The following PTPRG variants were observed in gnomAD, a reference collection of about 807,000 sequenced individuals.
PTPRG encodes receptor-type tyrosine-protein phosphatase gamma.
A neutral mutation model predicts 165.3 loss-of-function variants in PTPRG; 102 were observed. The ratio of observed to expected loss-of-function variants is 0.62; its 90% confidence interval spans 0.53 to 0.73. PTPRG has a LOEUF of 0.73. PTPRG is among the 30% of genes least tolerant of loss of function. PTPRG has a pLI of 0.00. For missense variants in PTPRG, 1,866 were observed against 1,861.4 expected, an observed-to-expected ratio of 1.00 and a Z score of -0.05; for synonymous variants, 675 against 669.5, an observed-to-expected ratio of 1.01 and a Z score of -0.13.
chr3:61,637,322 C>A (rs1403025668), intron 1 of PTPRG, among the ~76,000 whole-genome samples: 1 of 152,120 alleles, frequency 6.6e-6, no homozygotes, highest in Non-Finnish European at 1.5e-5. Context: ...TGACCTTTGG[C>A]AAATGACTTG....
chr3:62,206,894 CAG>C (rs902521683), intron 12 of PTPRG, among the ~76,000 whole-genome samples: 5 of 109,630 alleles, frequency 4.6e-5, no homozygotes, highest in African/African-American at 1.8e-4. Flanking sequence ...ACACCACTGA[CAG>C]AGCAAGACTC....
chr3:61,989,559 AAG>A, intron 2 of PTPRG, 64 bp from the exon 3 acceptor site: 1 of 1,487,700 alleles, frequency 6.7e-7, no homozygotes, highest in Non-Finnish European at 9.1e-7. Flanking sequence ...TCAGCTTCCT[AAG>A]ATTTATTCAT....
intron 5 of PTPRG, among the ~76,000 whole-genome samples, chr3:62,092,445 AAAAAAAAAAAAAAAG>A (rs915431657): frequency 1.4e-5 from 2 of 148,066 alleles, no homozygotes; most frequent in African/African-American, 5.3e-5. Context: ...ATCTGAAAAA[AAAAAAAAAAAAAAAG>A]AAAAAGACAA....
chr3:61,643,774 A>C (rs954522939), intron 1 of PTPRG, among the ~76,000 whole-genome samples: 4 of 151,150 alleles, frequency 2.6e-5, no homozygotes, highest in Non-Finnish European at 2.9e-5. Context: ...AAAAAAAAAA[A>C]CAAAAAAGCA....
In PTPRG at chr3:62,282,839, C is replaced by T. The variant is rs1320195327; in HGVS notation, c.4025C>T (p.Thr1342Ile). The change falls in exon 28 of 30, where the codon ACA (threonine) becomes ATA (isoleucine). Residue 1342 changes from threonine to isoleucine, a missense_variant. Coordinates refer to ENST00000474889, the MANE Select transcript of PTPRG (RefSeq NM_002841.4). ...AACGTCATCAAGGAAGAGGCCTTAA[C>T]AAGGGATGGTCCCACCATTGTTCAT... is the stretch of plus-strand genomic sequence containing the variant. ...LINVIKEEAL[T>I]RDGPTIVHDE... The T allele has an allele frequency of 1.2e-6, 2 of 1,611,090 alleles. No homozygotes were observed. Among genetic ancestry groups the T allele is most frequent in the South Asian group, 2.2e-5 (2 of 90,692 alleles).
At chr3:61,679,420 T>A (rs575347740) in intron 1 of PTPRG, among the ~76,000 whole-genome samples, 2 of 152,146 alleles carry the variant, frequency 1.3e-5, no homozygotes, top group African/African-American at 2.4e-5. Flanking sequence ...GCCAGGCTTA[T>A]AAGTCACGGA....
chr3:61,847,156 T>C (rs2107351584), intron 2 of PTPRG, among the ~76,000 whole-genome samples: 1 of 152,268 alleles, frequency 6.6e-6, no homozygotes, highest in African/African-American at 2.4e-5. Context: ...TGAGTTAAGA[T>C]GATGCCATAC....
chr3:61,892,272 G>T (rs2038236092), intron 2 of PTPRG, among the ~76,000 whole-genome samples: 1 of 152,160 alleles, frequency 6.6e-6, no homozygotes, highest in Non-Finnish European at 1.5e-5. Flanking sequence ...TGTTGCCCAG[G>T]CTGGAGTGCA....
At chr3:61,840,444 C>G (rs902075259) in intron 2 of PTPRG, among the ~76,000 whole-genome samples, 1 of 151,976 alleles carries the variant, frequency 6.6e-6, no homozygotes, top group Non-Finnish European at 1.5e-5. Flanking sequence ...TGTTTTAGGG[C>G]AAAAAACTTA....
chr3:61,967,241 T>A (rs895780874), intron 2 of PTPRG, among the ~76,000 whole-genome samples: 8 of 152,332 alleles, frequency 5.3e-5, no homozygotes, highest in Middle Eastern at 6.8e-3. Context: ...GCACATCTGG[T>A]TGGGAGATGG....
At chr3:61,603,387 C>T (rs990657116) in intron 1 of PTPRG, among the ~76,000 whole-genome samples, 1 of 152,164 alleles carries the variant, frequency 6.6e-6, no homozygotes, top group African/African-American at 2.4e-5. Flanking sequence ...CATCCCTCAC[C>T]TACCCCCACT....
At chr3:62,157,890 C>G (rs1226422474) in intron 7 of PTPRG, among the ~76,000 whole-genome samples, 1 of 152,120 alleles carries the variant, frequency 6.6e-6, no homozygotes, top group East Asian at 1.9e-4. Context: ...TCAACTTAAT[C>G]AGTGGCAACA....
intron 24 of PTPRG, 59 bp downstream of exon 24, chr3:62,276,025 G>C (rs961206824): frequency 6.9e-6 from 9 of 1,299,894 alleles, no homozygotes; most frequent in Non-Finnish European, 9.9e-6. Context: ...GTTAGGTACA[G>C]AGGCAGCCAC....
chr3:61,641,583 T>G (rs1370475290), intron 1 of PTPRG, among the ~76,000 whole-genome samples: 1 of 152,226 alleles, frequency 6.6e-6, no homozygotes, highest in African/African-American at 2.4e-5. Context: ...CCAATTCATT[T>G]AAGGTTATCG....
At position 62,273,032 on chromosome 3, in the gene PTPRG, G is replaced by C; in HGVS notation, c.3269G>C (p.Gly1090Ala). Residue 1090 changes from glycine to alanine, a missense_variant, in exon 22 of 30, where the codon GGA becomes GCA. This residue lies in a region of PTPRG where 1,452 missense variants were observed against 1,463.0 expected (regional missense o/e 0.99). Coordinates refer to ENST00000474889, the MANE Select transcript of PTPRG (RefSeq NM_002841.4). The surrounding 1 kb of genome is among the most constrained non-coding windows in gnomAD (Gnocchi z 4.1). Reference sequence around the variant, plus strand: ...GACAAAAGCACAGTTAACGTCCTGGGATTCCTGAAGCATATCAGGACACAG... The same window carrying C: ...GACAAAAGCACAGTTAACGTCCTGGCATTCCTGAAGCATATCAGGACACAG... Reference protein sequence around the residue: ...IKDKSTVNVLGFLKHIRTQRN... With the variant: ...IKDKSTVNVLAFLKHIRTQRN... The C allele has an allele frequency of 1.9e-6, 3 of 1,613,798 alleles. No individual in the cohort carries two copies. Among genetic ancestry groups the C allele is most frequent in the Non-Finnish European group, 2.5e-6 (3 of 1,179,824 alleles).
chr3:61,982,187 G>A (rs1173156716), intron 2 of PTPRG, among the ~76,000 whole-genome samples: 1 of 152,076 alleles, frequency 6.6e-6, no homozygotes, highest in African/African-American at 2.4e-5. Context: ...TTCAGGTCTG[G>A]AACGAACTCA....
intron 7 of PTPRG, among the ~76,000 whole-genome samples, chr3:62,161,262 A>G (rs1267399310): frequency 6.6e-6 from 1 of 152,216 alleles, no homozygotes; most frequent in Non-Finnish European, 1.5e-5. Flanking sequence ...CAGGTATTAA[A>G]TGATCACCAG....
chr3:61,579,989 A>G (rs1700250696), intron 1 of PTPRG, among the ~76,000 whole-genome samples: 2 of 152,246 alleles, frequency 1.3e-5, no homozygotes, highest in Admixed American at 1.3e-4. Flanking sequence ...AAAATCACAC[A>G]TCAACCATGT....
intron 8 of PTPRG, among the ~76,000 whole-genome samples, chr3:62,169,475 T>A (rs553735510): frequency 6.6e-6 from 1 of 152,058 alleles, no homozygotes; most frequent in Admixed American, 6.5e-5. Flanking sequence ...TCTTTTTCCA[T>A]CTCTACTTGC....
Sources: allele counts gnomAD v4.1 joint callset (sites outside exome capture counted in the v4.1 genomes callset), GRCh38; gene constraint gnomAD v4.1.1; regional missense constraint gnomAD v4.1.1; non-coding constraint Gnocchi (gnomAD v3.1); transcripts MANE v1.5; gene names NCBI Gene and HGNC (gene_info 2026-07-23, HGNC 2026-07-21).